The following PAPPA variants were observed in gnomAD, a reference collection of about 807,000 sequenced individuals.
The protein encoded by PAPPA is pappalysin 1.
PAPPA carries 60 observed loss-of-function variants against 164.0 expected under a neutral mutation model. That is an observed-to-expected ratio of 0.37 (90% confidence interval 0.30 to 0.45). PAPPA has a LOEUF of 0.45. Among genes scored for constraint, PAPPA ranks in the 20% least tolerant of loss-of-function variants. The probability of loss-of-function intolerance (pLI) is 1.00; values close to 1 mark genes in which losing one functional copy is unlikely to be tolerated. For missense variants in PAPPA, 1,782 were observed against 2,087.3 expected, an observed-to-expected ratio of 0.85 and a Z score of 2.85; for synonymous variants, 875 against 814.1, an observed-to-expected ratio of 1.07 and a Z score of -1.27.
In PAPPA at chr9:116,348,501, A is replaced by T. The variant is rs532655198; in HGVS notation, c.3964+1292A>T. On this transcript the variant is annotated intron_variant, in intron 15 of 21. Coordinates refer to ENST00000328252, the MANE Select transcript of PAPPA (RefSeq NM_002581.5). ...AAAGGACAACAGTTTTTTTAAAAAA[A>T]ACTTTTATTTTAAGCTCAGGAGGAC... is the stretch of plus-strand genomic sequence containing the variant. 5.9e-5 allele frequency among the ~76,000 whole-genome samples: 9 copies of T among 152,056 alleles called. No individual in the cohort carries two copies. The East Asian group carries it at 1.7e-3, about 29-fold the overall frequency.
intron 19 of PAPPA, among the ~76,000 whole-genome samples, chr9:116,374,151 G>A (rs573929152): frequency 2.0e-5 from 3 of 149,316 alleles, no homozygotes; most frequent in South Asian, 2.1e-4. Context: ...AGATGATGGT[G>A]GTAGTGTTGG....
At chr9:116,234,625 A>G (rs746220784) in intron 6 of PAPPA, among the ~76,000 whole-genome samples, 2 of 152,166 alleles carry the variant, frequency 1.3e-5, no homozygotes, top group Non-Finnish European at 2.9e-5. Flanking sequence ...CCTGCATCCA[A>G]TAGGGAGAAC....
At chr9:116,211,594 A>G in intron 3 of PAPPA, 45 bp from the exon 4 acceptor site, 1 of 1,569,422 alleles carries the variant, frequency 6.4e-7, no homozygotes, top group Non-Finnish European at 8.7e-7. Context: ...TGCACCAAGA[A>G]GCAGAGTACC....
chr9:116,354,105 C>G (rs1268928111), intron 17 of PAPPA, among the ~76,000 whole-genome samples: 1 of 152,136 alleles, frequency 6.6e-6, no homozygotes, highest in East Asian at 1.9e-4. Context: ...CATGTTGGTC[C>G]TTGAAGTATT....
At chr9:116,293,807 T>C (rs762599260) in intron 9 of PAPPA, among the ~76,000 whole-genome samples, 36 of 152,108 alleles carry the variant, frequency 2.4e-4, no homozygotes, top group Admixed American at 9.8e-4. Flanking sequence ...ATACAAAAAA[T>C]TCGCCGGCTT....
chr9:116,367,900 G>A, intron 19 of PAPPA, 146 bp downstream of exon 19: 1 of 657,726 alleles, frequency 1.5e-6, no homozygotes, highest in Non-Finnish European at 2.8e-6. Flanking sequence ...GGTGTGTGTT[G>A]CAGGGAGGTG....
rs1265071664 is a variant in PAPPA, at chr9:116,401,310, C to CT, written c.*4695dup. 1 of 152,544 alleles carries CT rather than the reference C, an allele frequency of 6.6e-6. No individual in the cohort carries two copies. The highest frequency in any genetic ancestry group is 1.5e-5 in the Non-Finnish European group (1 of 68,030). 9.4% of individuals were successfully genotyped at this position (152,544 alleles called of 1,614,324 possible). ...TCCAACTTATAGAGGAAGGGAGTCT[C>CT]TAAAATCTCTTCTTCAGAAGGCACC... On this transcript the variant is annotated 3_prime_UTR_variant, in exon 22 of 22. Transcript: ENST00000328252.
At chr9:116,297,148 TC>T in intron 9 of PAPPA, among the ~76,000 whole-genome samples, 1 of 152,062 alleles carries the variant, frequency 6.6e-6, no homozygotes, top group African/African-American at 2.4e-5. Flanking sequence ...AGCCACCATG[TC>T]TGGCAGAAAA....
intron 10 of PAPPA, among the ~76,000 whole-genome samples, chr9:116,306,383 T>C (rs1242137775): frequency 6.6e-6 from 1 of 152,248 alleles, no homozygotes; most frequent in African/African-American, 2.4e-5. Flanking sequence ...AAGCCTGCCA[T>C]ATCTAATGGT....
At chr9:116,274,662 G>GA (rs1202567158) in intron 9 of PAPPA, among the ~76,000 whole-genome samples, 1 of 152,198 alleles carries the variant, frequency 6.6e-6, no homozygotes, top group African/African-American at 2.4e-5. Context: ...AACAGTGGAA[G>GA]ATATTGACCA....
intron 9 of PAPPA, among the ~76,000 whole-genome samples, chr9:116,298,526 G>T (rs963827171): frequency 1.3e-5 from 2 of 152,170 alleles, no homozygotes; most frequent in Non-Finnish European, 2.9e-5. Context: ...AATGCCCAGT[G>T]CAATCCCACT....
chr9:116,316,371 T>C (rs1437845528), intron 10 of PAPPA: 1 of 152,234 alleles, frequency 6.6e-6, no homozygotes, highest in Non-Finnish European at 1.5e-5. Flanking sequence ...TTCAGGGAAG[T>C]GGCAGGTGCA....
In PAPPA at chr9:116,211,647, G is replaced by A; in HGVS notation, c.1633G>A (p.Val545Ile). 4 of 1,613,934 alleles carry A rather than the reference G, an allele frequency of 2.5e-6. No individual in the cohort carries two copies. Among genetic ancestry groups the A allele is most frequent in the Non-Finnish European group, 3.4e-6 (4 of 1,179,890 alleles). The change falls in exon 4 of 22, where the codon GTC becomes ATC. Residue 545 changes from valine to isoleucine, a missense_variant. By Grantham distance (29) the Val-to-Ile change is conservative. This residue lies in a region of PAPPA where 1,324 missense variants were observed against 1,656.9 expected (regional missense o/e 0.80). Transcript: ENST00000328252. ...TGGATTTCCCCTTACAGGTGGCATTGTCTTGAACCCATCTTTCTATGGCAT... is the reference window on the plus strand; with the variant it reads ...TGGATTTCCCCTTACAGGTGGCATTATCTTGAACCCATCTTTCTATGGCAT... ...KEALMHLGGI[V>I]LNPSFYGMPG...
At chr9:116,334,831 GC>G (rs778126033) in intron 12 of PAPPA, 29 bp from the exon 13 acceptor site, 31 of 1,561,800 alleles carry the variant, frequency 2.0e-5, no homozygotes, top group Non-Finnish European at 2.6e-5. Context: ...AATGAGCCTG[GC>G]CCCTCGGCCC....
chr9:116,394,551 C>T (rs553836429), intron 21 of PAPPA, among the ~76,000 whole-genome samples: 14 of 152,290 alleles, frequency 9.2e-5, no homozygotes, highest in African/African-American at 3.1e-4. Context: ...CTCAGTTTCC[C>T]TGTTTGGACT....
chr9:116,382,612 C>G (rs1268772314), intron 21 of PAPPA, 119 bp downstream of exon 21: 2 of 649,904 alleles, frequency 3.1e-6, no homozygotes, highest in Non-Finnish European at 5.6e-6. Context: ...ACTGTCCACA[C>G]GCTTTATTTC....
intron 1 of PAPPA, among the ~76,000 whole-genome samples, chr9:116,169,321 T>TTTTTTTTTTTTTTTG (rs1843749415): frequency 8.6e-6 from 1 of 116,296 alleles, no homozygotes; most frequent in Non-Finnish European, 1.9e-5. Context: ...TTTTTTTTTT[T>TTTTTTTTTTTTTTTG]TTTTTTTTTT....
chr9:116,320,264 C>T (rs1163915318), intron 10 of PAPPA, among the ~76,000 whole-genome samples: 4 of 152,146 alleles, frequency 2.6e-5, no homozygotes, highest in African/African-American at 9.7e-5. Context: ...GAGGTGCCAG[C>T]CTGAAGGGTA....
Position 116,325,242 on chromosome 9 carries a change from T to A in PAPPA, c.3148-6002T>A, listed in dbSNP as rs538870607. On this transcript the variant is annotated intron_variant, in intron 10 of 21. Transcript: ENST00000328252. ...GACCTTGAAAGGATTTTTCAAAGCC[T>A]CTGAGCCTCATTTTCTCACCAGAGA... 6.6e-5 allele frequency among the ~76,000 whole-genome samples: 10 copies of A among 152,284 alleles called. No individual in the cohort carries two copies. In the South Asian group the frequency reaches 1.9e-3, roughly 28 times the overall value.
Sources: allele counts gnomAD v4.1 joint callset (sites outside exome capture counted in the v4.1 genomes callset), GRCh38; gene constraint gnomAD v4.1.1; regional missense constraint gnomAD v4.1.1; transcripts MANE v1.5; gene names NCBI Gene and HGNC (gene_info 2026-07-23, HGNC 2026-07-21).